The following SHCBP1 variants were observed in gnomAD, a reference collection of about 807,000 sequenced individuals.
SHCBP1 encodes SHC binding and spindle associated 1.
In SHCBP1, 60 loss-of-function variants were observed where a neutral mutation model predicts 75.1. The observed-to-expected ratio is 0.80, with a 90% CI of 0.65 to 0.99. The LOEUF is 0.99. SHCBP1 is among the 50% of genes least tolerant of loss of function. The pLI is 0.00. For synonymous variants in SHCBP1, 290 were observed against 293.2 expected (o/e 0.99, Z 0.11); for missense variants, 709 against 809.4 (o/e 0.88, Z 1.50).
chr16:46,594,305 C>A (rs1254569385), intron 10 of SHCBP1, among the ~76,000 whole-genome samples: 3 of 152,074 alleles, frequency 2.0e-5, no homozygotes, highest in Admixed American at 2.0e-4. Context: ...GGTGAAAAGA[C>A]AAGCTACAGA....
rs1964850886 is a variant in SHCBP1, at chr16:46,580,286, C to T, written c.*1443G>A. ...GAACATTACTTTTTAAACCTCCTTG[C>T]AACAAGATTTTTTAAAAGTAAAAAT... On this transcript the variant is annotated 3_prime_UTR_variant, in exon 13 of 13. Coordinates refer to ENST00000303383, the MANE Select transcript of SHCBP1 (RefSeq NM_024745.5). Among the ~76,000 whole-genome samples, 1 of 151,902 alleles carries T rather than the reference C, an allele frequency of 6.6e-6. No homozygotes were observed. Among genetic ancestry groups the T allele is most frequent in the Non-Finnish European group, 1.5e-5 (1 of 67,990 alleles).
In SHCBP1 at chr16:46,605,462, C is replaced by G. The variant is rs577131669; in HGVS notation, c.690-1001G>C. On this transcript the variant is annotated intron_variant, in intron 5 of 12. Transcript: ENST00000303383. ...AATGAGCCTGGTGTGATGGCATGCA[C>G]TTGTAGTCTCAGCTACTTGGGAGGC... 1.8e-4 allele frequency among the ~76,000 whole-genome samples: 27 copies of G among 152,182 alleles called. No homozygotes were observed. The South Asian group carries it at 5.6e-3, about 32-fold the overall frequency.
At chr16:46,602,910 C>T (rs984705023) in intron 8 of SHCBP1, among the ~76,000 whole-genome samples, 2 of 152,172 alleles carry the variant, frequency 1.3e-5, no homozygotes, top group African/African-American at 2.4e-5. Flanking sequence ...GGATTACAGG[C>T]GTAAGCCACC....
At chr16:46,583,365 T>G (rs1964901739) in intron 12 of SHCBP1, 151 bp downstream of exon 12, 1 of 742,300 alleles carries the variant, frequency 1.3e-6, no homozygotes, top group South Asian at 2.2e-5. Context: ...TGTAATGTTA[T>G]GACTTAATGT....
intron 4 of SHCBP1, 85 bp from the exon 5 acceptor site, chr16:46,608,474 C>A: frequency 1.2e-6 from 1 of 833,034 alleles, no homozygotes; most frequent in South Asian, 1.5e-5. Context: ...AAGAGTAAAT[C>A]AAAACAATTC....
chr16:46,611,977 CA>C (rs1258321536), intron 4 of SHCBP1, among the ~76,000 whole-genome samples: 1 of 152,192 alleles, frequency 6.6e-6, no homozygotes, highest in Admixed American at 6.5e-5. Flanking sequence ...AGAAATTCCT[CA>C]GGTGATTCCA....
Position 46,603,637 on chromosome 16 carries a change from G to A in SHCBP1, c.1115C>T (p.Ala372Val), listed in dbSNP as rs768875072. ...EIQFHSDPLS[A>V]INACFEGDTV... ...GTCACCTTCGAAGCAGGCATTTATAGCAGACAATGGATCACTATGGAACTA... is the reference window on the plus strand; with the variant it reads ...GTCACCTTCGAAGCAGGCATTTATAACAGACAATGGATCACTATGGAACTA... The change falls in exon 8 of 13, where the codon GCT (alanine) becomes GTT (valine). Residue 372 changes from alanine (A) to valine (V), a missense_variant. Ala to Val is a moderately conservative substitution (Grantham distance 64). Coordinates refer to ENST00000303383, the MANE Select transcript of SHCBP1 (RefSeq NM_024745.5). The A allele has an allele frequency of 6.2e-7, 1 of 1,614,162 alleles. No homozygotes were observed. The highest frequency in any genetic ancestry group is 1.7e-5 in the Admixed American group (1 of 60,018).
chr16:46,621,189 T>C (rs1274897231), intron 1 of SHCBP1, 68 bp downstream of exon 1: 57 of 1,457,534 alleles, frequency 3.9e-5, no homozygotes, highest in Non-Finnish European at 5.1e-5. Context: ...CCAGGCGCCC[T>C]CCTAGGGTCC....
intron 10 of SHCBP1, among the ~76,000 whole-genome samples, chr16:46,591,397 T>C (rs1362060635): frequency 6.6e-6 from 1 of 151,812 alleles, no homozygotes; most frequent in Non-Finnish European, 1.5e-5. Context: ...TCAGATAAAG[T>C]AGACTTTGGA....
intron 9 of SHCBP1, 118 bp downstream of exon 9, chr16:46,599,706 AGTGCAAT>A (rs1965201265): frequency 2.5e-5 from 9 of 364,732 alleles, no homozygotes; most frequent in South Asian, 8.9e-5. Flanking sequence ...AGCATCGTGA[AGTGCAAT>A]AAAACAAGGT....
At position 46,608,334 on chromosome 16, in the gene SHCBP1, C is replaced by T. The variant is rs761071900; in HGVS notation, c.652G>A (p.Asp218Asn). 6.8e-6 allele frequency: 11 copies of T among 1,613,760 alleles called. No homozygotes were observed. Among genetic ancestry groups the T allele is most frequent in the South Asian group, 2.2e-5 (2 of 91,070 alleles). Residue 218 changes from aspartate (D) to asparagine (N), a missense_variant, in exon 5 of 13, where the codon GAT becomes AAT. Asp to Asn is a conservative substitution (Grantham distance 23, BLOSUM62 1). Transcript: ENST00000303383. ...GGTTCAACACATCTGACAAAATAAT[C>T]GTATTCATCCTCCTCTTCTTCATCC... Reference protein sequence around the residue: ...SWDEEEEDEYDYFVRCVEPRL... With the variant: ...SWDEEEEDEYNYFVRCVEPRL...
Position 46,583,229 on chromosome 16 carries a change from G to A in SHCBP1, c.1693+287C>T, listed in dbSNP as rs574704872. 3.7e-4 allele frequency among the ~76,000 whole-genome samples: 56 copies of A among 152,190 alleles called. No homozygotes were observed. In the South Asian group the frequency reaches 0.011, roughly 29 times the overall value. On this transcript the variant is annotated intron_variant, in intron 12 of 12. Coordinates refer to ENST00000303383, the MANE Select transcript of SHCBP1 (RefSeq NM_024745.5). The stretch of plus-strand genomic sequence containing the variant: ...CCACCATTGCTATCACACACCCATC[G>A]TTGCTATCACACATCCACCCTCATT...
chr16:46,617,609 G>T (rs374586197), intron 3 of SHCBP1, 25 bp downstream of exon 3: 51 of 1,580,102 alleles, frequency 3.2e-5, no homozygotes, highest in Non-Finnish European at 4.4e-5. Context: ...TAGAGACAAA[G>T]GTCTAATAAC....
chr16:46,586,562 C>T (rs1964957424), intron 10 of SHCBP1, among the ~76,000 whole-genome samples: 1 of 152,152 alleles, frequency 6.6e-6, no homozygotes, highest in Non-Finnish European at 1.5e-5. Context: ...TGACTAAAAG[C>T]TCCCAAATTT....
intron 9 of SHCBP1, among the ~76,000 whole-genome samples, chr16:46,596,969 C>A (rs1965153795): frequency 6.6e-6 from 1 of 151,850 alleles, no homozygotes; most frequent in African/African-American, 2.4e-5. Context: ...CTCAGGTGAT[C>A]CACCCTCCTC....
rs1965478526 is a variant in SHCBP1, at chr16:46,615,365, A to C, written c.596+581T>G. 4.6e-5 allele frequency among the ~76,000 whole-genome samples: 7 copies of C among 152,300 alleles called. No individual in the cohort carries two copies. The South Asian group carries it at 1.4e-3, about 32-fold the overall frequency. ...GGGGTGGGGGGAGATAGGCACCCCT[A>C]ACCCCCACATCATTCAAGAGTCAAC... On this transcript the variant is annotated intron_variant, in intron 4 of 12. Transcript: ENST00000303383.
chr16:46,589,020 T>C (rs903394969), intron 10 of SHCBP1, among the ~76,000 whole-genome samples: 1 of 151,820 alleles, frequency 6.6e-6, no homozygotes. Flanking sequence ...GTTCAACATA[T>C]GCAAATCAAT....
At chr16:46,597,773 T>C (rs1965166133) in intron 9 of SHCBP1, among the ~76,000 whole-genome samples, 1 of 152,242 alleles carries the variant, frequency 6.6e-6, no homozygotes, top group South Asian at 2.1e-4. Context: ...GTGATCTTGT[T>C]TGATAGCACT....
chr16:46,584,382 A>C, intron 10 of SHCBP1: 1 of 225,054 alleles, frequency 4.4e-6, no homozygotes, highest in East Asian at 8.7e-5. Context: ...ATTCTAGATA[A>C]ATGTTTTCTG....
Sources: allele counts gnomAD v4.1 joint callset (sites outside exome capture counted in the v4.1 genomes callset), GRCh38; gene constraint gnomAD v4.1.1; transcripts MANE v1.5; gene names NCBI Gene and HGNC (gene_info 2026-07-23, HGNC 2026-07-21).